Variants in ITGA9 observed in about 807,000 individuals in gnomAD.
The protein encoded by ITGA9 is integrin alpha-9.
In ITGA9, 56 loss-of-function variants were observed where a neutral mutation model predicts 127.8. That is an observed-to-expected ratio of 0.44 (90% CI 0.35 to 0.55). ITGA9 has a LOEUF of 0.55. Ranked by LOEUF, ITGA9 falls within the 20% of genes least tolerant of loss-of-function variation. The pLI, the probability that ITGA9 is intolerant of heterozygous loss-of-function variation, is 0.00. For missense variants in ITGA9, 1,196 were observed against 1,347.1 expected (o/e 0.89, Z 1.76); for synonymous variants, 508 against 514.5 (o/e 0.99, Z 0.17).
intron 16 of ITGA9, among the ~76,000 whole-genome samples, chr3:37,633,805 A>G (rs1700251663): frequency 4.6e-5 from 7 of 152,156 alleles, no homozygotes; most frequent in Admixed American, 4.6e-4. Context: ...TGGGACCTGC[A>G]GCTCACTCCC....
At chr3:37,766,369 C>T (rs950614153) in intron 23 of ITGA9, among the ~76,000 whole-genome samples, 2 of 152,170 alleles carry the variant, frequency 1.3e-5, no homozygotes, top group Non-Finnish European at 1.5e-5. Context: ...TTCAGGCCTC[C>T]CATGAAGTCC....
chr3:37,800,513 A>G (rs1461146169), intron 26 of ITGA9, among the ~76,000 whole-genome samples: 1 of 152,176 alleles, frequency 6.6e-6, no homozygotes, highest in African/African-American at 2.4e-5. Context: ...GAGATTCCAA[A>G]TGCAGGAAGT....
Position 37,530,997 on chromosome 3 carries a change from C to T in ITGA9, c.1374-2317C>T, listed in dbSNP as rs907825616. Among the ~76,000 whole-genome samples, 5 of 151,874 alleles carry T rather than the reference C, an allele frequency of 3.3e-5. No homozygotes were observed. In the South Asian group the frequency reaches 8.3e-4, roughly 25 times the overall value. ...CGATCTCCTGACCTTGTGATCCACC[C>T]GCCTCAGCCTCCCAAAGTGCTGGGA... On this transcript the variant is annotated intron_variant, in intron 13 of 27. Transcript: ENST00000264741.
intron 22 of ITGA9, among the ~76,000 whole-genome samples, chr3:37,746,448 A>G (rs1696501835): frequency 6.6e-6 from 1 of 152,196 alleles, no homozygotes; most frequent in Non-Finnish European, 1.5e-5. Flanking sequence ...CACCTGAAAA[A>G]CAATGGCCAA....
Position 37,619,093 on chromosome 3 carries a change from C to T in ITGA9, c.1690-10094C>T, listed in dbSNP as rs542494134. ...TAGACTGGAGCTGTTCCTATTTGGC[C>T]GTCTTCGCTGTTATTTTTAAGAATA... is the stretch of plus-strand genomic sequence containing the variant. On this transcript the variant is annotated intron_variant, in intron 15 of 27. Transcript: ENST00000264741. Among the ~76,000 whole-genome samples, 351 of 152,212 alleles carry T rather than the reference C, an allele frequency of 2.3e-3. 1 individual carries two copies. Among genetic ancestry groups the T allele is most frequent in the African/African-American group, 7.9e-3 (328 of 41,518 alleles).
chr3:37,647,327 G>A (rs1700386493), intron 16 of ITGA9, among the ~76,000 whole-genome samples: 1 of 151,918 alleles, frequency 6.6e-6, no homozygotes, highest in South Asian at 2.1e-4. Context: ...CATTTATTTT[G>A]TTCATGAATT....
chr3:37,773,589 TC>T (rs1327194469), intron 23 of ITGA9, among the ~76,000 whole-genome samples: 5 of 138,832 alleles, frequency 3.6e-5, no homozygotes, highest in African/African-American at 1.4e-4. Flanking sequence ...AATTTAACTC[TC>T]TTTTTTTTTT....
chr3:37,637,018 C>T (rs1253549444), intron 16 of ITGA9, among the ~76,000 whole-genome samples: 4 of 152,194 alleles, frequency 2.6e-5, no homozygotes, highest in African/African-American at 9.7e-5. Context: ...CAGTACCATG[C>T]TGTTTTGGTT....
intron 7 of ITGA9, 51 bp from the exon 8 acceptor site, chr3:37,508,508 C>G (rs1698868372): frequency 6.8e-7 from 1 of 1,476,140 alleles, no homozygotes; most frequent in Non-Finnish European, 9.4e-7. Context: ...TGATAAATAT[C>G]TTTGATCATT....
At chr3:37,766,020 G>A (rs1245226860) in intron 23 of ITGA9, among the ~76,000 whole-genome samples, 1 of 152,192 alleles carries the variant, frequency 6.6e-6, no homozygotes, top group Non-Finnish European at 1.5e-5. Context: ...GTTTGCTTAC[G>A]TTCATTCCTT....
chr3:37,764,458 A>C (rs1299304711), intron 23 of ITGA9, among the ~76,000 whole-genome samples: 1 of 94,882 alleles, frequency 1.1e-5, no homozygotes, highest in South Asian at 4.6e-4. Flanking sequence ...ACACTCCGAG[A>C]TTCTCAGTAA....
intron 22 of ITGA9, chr3:37,748,318 C>G: frequency 1.8e-6 from 1 of 563,260 alleles, no homozygotes; most frequent in South Asian, 1.5e-5. Flanking sequence ...TGTTACCCAG[C>G]ATGCTGTTGG....
chr3:37,774,532 CAAA>C (rs60606543), intron 23 of ITGA9, among the ~76,000 whole-genome samples: 4 of 135,518 alleles, frequency 3.0e-5, no homozygotes, highest in African/African-American at 2.7e-5. Context: ...CTATCTCTAC[CAAA>C]AAAAAAAAAA....
At chr3:37,739,549 T>G (rs1440234673) in intron 20 of ITGA9, among the ~76,000 whole-genome samples, 2 of 152,236 alleles carry the variant, frequency 1.3e-5, no homozygotes, top group African/African-American at 2.4e-5. Flanking sequence ...TCTCTTTGCC[T>G]ACTTGTAGAT....
At chr3:37,532,057 C>T (rs904524587) in intron 13 of ITGA9, among the ~76,000 whole-genome samples, 9 of 152,158 alleles carry the variant, frequency 5.9e-5, no homozygotes, top group Admixed American at 1.3e-4. Flanking sequence ...ATCCACTTTC[C>T]GATTTATTTC....
intron 16 of ITGA9, among the ~76,000 whole-genome samples, chr3:37,636,788 C>A (rs1438807744): frequency 1.3e-5 from 2 of 151,916 alleles, no homozygotes; most frequent in African/African-American, 4.8e-5. Context: ...AGTCTTTAAT[C>A]CATCTTGAAT....
intron 17 of ITGA9, among the ~76,000 whole-genome samples, chr3:37,677,140 C>G (rs1700689893): frequency 6.6e-6 from 1 of 152,196 alleles, no homozygotes; most frequent in African/African-American, 2.4e-5. Context: ...AATTCATTTA[C>G]CAGCATGCAT....
intron 15 of ITGA9, among the ~76,000 whole-genome samples, chr3:37,620,462 C>T (rs533875524): frequency 6.6e-6 from 1 of 152,246 alleles, no homozygotes; most frequent in East Asian, 1.9e-4. Flanking sequence ...GTGTCAGGAG[C>T]TCTCCAAGGT....
chr3:37,481,252 A>G (rs1197403303), intron 3 of ITGA9, among the ~76,000 whole-genome samples: 4 of 152,014 alleles, frequency 2.6e-5, no homozygotes, highest in African/African-American at 9.7e-5. Flanking sequence ...ACTAGCTACA[A>G]TTCTCATTTG....
Sources: gnomAD v4.1 joint callset for allele counts (sites outside exome capture counted in the v4.1 genomes callset) on GRCh38, gnomAD v4.1.1 for gene constraint, MANE v1.5 for transcripts, NCBI Gene and HGNC (gene_info 2026-07-23, HGNC 2026-07-21) for gene names.